The following WDR12 variants were observed in gnomAD, a reference collection of about 807,000 sequenced individuals.
WDR12 encodes the protein ribosome biogenesis protein WDR12.
In WDR12, 42 loss-of-function variants were observed where a neutral mutation model predicts 64.3. The observed-to-expected ratio is 0.65, with a 90% CI of 0.51 to 0.84. WDR12 has a LOEUF of 0.84. WDR12 is among the 40% of genes least tolerant of loss of function. The pLI is 0.00. For synonymous variants in WDR12, 158 were observed against 173.3 expected, an observed-to-expected ratio of 0.91 and a Z score of 0.70; for missense variants, 469 against 494.6, an observed-to-expected ratio of 0.95 and a Z score of 0.49.
intron 2 of WDR12, among the ~76,000 whole-genome samples, chr2:202,906,459 A>T (rs1188527713): frequency 1.3e-5 from 2 of 152,228 alleles, no homozygotes; most frequent in African/African-American, 4.8e-5. Context: ...TTATTTGAAG[A>T]CGAAGATGGG....
rs900739061 is a variant in WDR12 at position 202,876,231 on chromosome 2, TAAAA to T, written c.*4625_*4628del. 1 of 151,376 alleles carries T rather than the reference TAAAA, an allele frequency of 6.6e-6. No homozygotes were observed. Among genetic ancestry groups the T allele is most frequent in the Non-Finnish European group, 1.5e-5 (1 of 67,868 alleles). 9.4% of individuals were successfully genotyped at this position (151,376 alleles called of 1,614,324 possible). On this transcript the variant is annotated 3_prime_UTR_variant, in exon 13 of 13. Coordinates refer to ENST00000261015, the MANE Select transcript of WDR12 (RefSeq NM_018256.4). ...TAGCAAGACGCCATCTCCACAAAAA[TAAAA>T]AAAATAGCTGGGTGTGGCAGCATGC...
At position 202,874,735 on chromosome 2, in the gene WDR12, C is replaced by T. The variant is rs180961818; in HGVS notation, c.*6125G>A. The T allele has an allele frequency of 6.6e-6, 1 of 152,102 alleles. No individual in the cohort carries two copies. The highest frequency in any genetic ancestry group is 2.4e-5 in the African/African-American group (1 of 41,416). The allele number at this position is 152,102 out of a possible 1,614,324, so 9.4% of individuals were successfully genotyped here. On this transcript the variant is annotated 3_prime_UTR_variant, in exon 13 of 13. Coordinates refer to ENST00000261015, the MANE Select transcript of WDR12 (RefSeq NM_018256.4). ...CAGTGGGGCCATGGAGAGCTATCTT[C>T]CCAGATACCCAAATGAGTAATTAGA...
intron 8 of WDR12, among the ~76,000 whole-genome samples, chr2:202,889,511 C>G (rs1688109527): frequency 6.6e-6 from 1 of 151,582 alleles, no homozygotes; most frequent in African/African-American, 2.4e-5. Context: ...TGAATAACAA[C>G]AACTTAAAAA....
chr2:202,907,094 A>C (rs10173454), intron 2 of WDR12, among the ~76,000 whole-genome samples: 53,127 of 151,730 alleles, frequency 0.35, 10,032 homozygotes, highest in East Asian at 0.61. Flanking sequence ...GATTACAGGC[A>C]TGTGCCACCA....
At position 202,897,318 on chromosome 2, in the gene WDR12, C is replaced by T; in HGVS notation, c.436G>A (p.Val146Met). Residue 146 changes from valine (V) to methionine (M), a missense_variant, in exon 5 of 13, where the codon GTG (valine) becomes ATG (methionine). By Grantham distance (21) the Val-to-Met change is conservative. Coordinates refer to ENST00000261015, the MANE Select transcript of WDR12 (RefSeq NM_018256.4). Reference sequence around the variant, plus strand: ...TCCTAACCTTTTTTCACCCAGGCCACATCTTTTACAACATCCGTATGTCCC... The same window carrying T: ...TCCTAACCTTTTTTCACCCAGGCCATATCTTTTACAACATCCGTATGTCCC... ...IVGHTDVVKD[V>M]AWVKKDSLSC... is the part of the protein sequence containing the mutation. 1 of 1,599,214 alleles carries T rather than the reference C, an allele frequency of 6.3e-7. No homozygotes were observed. Among genetic ancestry groups the T allele is most frequent in the Non-Finnish European group, 8.5e-7 (1 of 1,174,334 alleles).
intron 4 of WDR12, among the ~76,000 whole-genome samples, chr2:202,898,087 A>T (rs1252397322): frequency 6.6e-6 from 1 of 151,410 alleles, no homozygotes; most frequent in Non-Finnish European, 1.5e-5. Flanking sequence ...CCACCCAAAA[A>T]AAATCCTACA....
intron 1 of WDR12, among the ~76,000 whole-genome samples, chr2:202,908,788 G>A (rs998252345): frequency 6.6e-6 from 1 of 152,140 alleles, no homozygotes; most frequent in Admixed American, 6.6e-5. Context: ...ATGACAGGAG[G>A]CAGATTAGGA....
At chr2:202,884,004 G>C (rs1688001513) in intron 10 of WDR12, 194 bp downstream of exon 10, 5 of 647,338 alleles carry the variant, frequency 7.7e-6, no homozygotes, top group Non-Finnish European at 1.3e-5. Context: ...GTAAAGGCAG[G>C]GTTTCTCTAT....
At position 202,897,888 on chromosome 2, in the gene WDR12, CA is replaced by C. The variant is rs10637220; in HGVS notation, c.339-474del. On this transcript the variant is annotated intron_variant, in intron 4 of 12. Transcript: ENST00000261015. The stretch of plus-strand genomic sequence containing the variant: ...TGGGTGACAGAGCGAGACTCCGTTT[CA>C]AAAAAAAAAAAAAAAAAAAATATAT... Among the ~76,000 whole-genome samples, 476 of 74,136 alleles carry C rather than the reference CA, an allele frequency of 6.4e-3. 1 individual carries two copies. The highest frequency in any genetic ancestry group is 0.022 in the African/African-American group (446 of 20,546). The allele number at this position is 74,136 out of a possible 152,430, so 48.6% of individuals were successfully genotyped here.
At chr2:202,898,353 T>G (rs77931721) in intron 4 of WDR12, among the ~76,000 whole-genome samples, 13,553 of 152,196 alleles carry the variant, frequency 0.089, 746 homozygotes, top group Non-Finnish European at 0.12. Context: ...GTTTCAATAT[T>G]TTGGCCAGGC....
At chr2:202,897,902 A>T (rs1488810417) in intron 4 of WDR12, among the ~76,000 whole-genome samples, 19 of 40,406 alleles carry the variant, frequency 4.7e-4, no homozygotes, top group South Asian at 1.3e-3. Context: ...AAAAAAAAAA[A>T]AAAAAAATAT....
chr2:202,911,409 G>T (rs1688641079), intron 1 of WDR12, 27 bp downstream of exon 1: 1 of 1,612,490 alleles, frequency 6.2e-7, no homozygotes, highest in African/African-American at 1.3e-5. Flanking sequence ...CCTGGGGAAG[G>T]GAGAGAAGGC....
chr2:202,882,353 G>A (rs1253109576), intron 12 of WDR12, among the ~76,000 whole-genome samples: 2 of 149,020 alleles, frequency 1.3e-5, no homozygotes, highest in Admixed American at 6.7e-5. Flanking sequence ...TTTTTTTCTT[G>A]AGATGGAGTC....
At chr2:202,902,055 G>A (rs1198179013) in intron 2 of WDR12, among the ~76,000 whole-genome samples, 1 of 152,102 alleles carries the variant, frequency 6.6e-6, no homozygotes, top group Non-Finnish European at 1.5e-5. Context: ...CAGCTATTGA[G>A]AACCAATACT....
chr2:202,894,440 T>C lies in WDR12; in HGVS notation c.655+141A>G, dbSNP rs189805255. ...TCTCACTATGTGGCCTAGGCTGCTC[T>C]TGAACTCGTGGCCTCAAGTGATCCT... On this transcript the variant is annotated intron_variant, in intron 7 of 12. Transcript: ENST00000261015. 1,564 of 636,228 alleles carry C rather than the reference T, an allele frequency of 2.5e-3. 4 individuals carry two copies. Among genetic ancestry groups the C allele is most frequent in the Non-Finnish European group, 3.3e-3 (1,265 of 378,266 alleles). 39.4% of individuals were successfully genotyped at this position (636,228 alleles called of 1,614,324 possible).
At chr2:202,886,872 C>T (rs1688058137) in intron 8 of WDR12, among the ~76,000 whole-genome samples, 1 of 151,694 alleles carries the variant, frequency 6.6e-6, no homozygotes, top group Non-Finnish European at 1.5e-5. Context: ...ATTGCCTCAT[C>T]TGTAATATTT....
chr2:202,902,266 C>T (rs1688362796), intron 2 of WDR12, among the ~76,000 whole-genome samples: 1 of 152,172 alleles, frequency 6.6e-6, no homozygotes, highest in African/African-American at 2.4e-5. Context: ...AGAAGATCAT[C>T]ATGACCAAGT....
At chr2:202,885,076 A>C (rs941727846) in intron 8 of WDR12, among the ~76,000 whole-genome samples, 30 of 152,228 alleles carry the variant, frequency 2.0e-4, no homozygotes, top group African/African-American at 7.2e-4. Context: ...CAGCTCTTAG[A>C]AACAGGATGT....
chr2:202,903,478 A>G (rs918602148), intron 2 of WDR12, among the ~76,000 whole-genome samples: 1 of 125,188 alleles, frequency 8.0e-6, no homozygotes, highest in African/African-American at 2.9e-5. Flanking sequence ...GAAGGAAGGA[A>G]GGAAGGAAGG....
Sources: allele counts gnomAD v4.1 joint callset (sites outside exome capture counted in the v4.1 genomes callset), GRCh38; gene constraint gnomAD v4.1.1; transcripts MANE v1.5; gene names NCBI Gene and HGNC (gene_info 2026-07-23, HGNC 2026-07-21).